The following LPP variants were observed in gnomAD, a reference collection of about 807,000 sequenced individuals.
The protein encoded by LPP is lipoma-preferred partner.
LPP carries 38 observed loss-of-function variants against 60.4 expected under a neutral mutation model. That is an observed-to-expected ratio of 0.63 (90% CI 0.49 to 0.83). The LOEUF is 0.83. Ranked by LOEUF, LPP falls within the 40% of genes least tolerant of loss-of-function variation. The pLI, the probability that LPP is intolerant of heterozygous loss-of-function variation, is 0.00. For missense variants in LPP, 902 were observed against 783.6 expected, an observed-to-expected ratio of 1.15 and a Z score of -1.80; for synonymous variants, 328 against 290.8, an observed-to-expected ratio of 1.13 and a Z score of -1.30.
At chr3:188,611,078 TTA>T in intron 7 of LPP, among the ~76,000 whole-genome samples, 1 of 152,352 alleles carries the variant, frequency 6.6e-6, no homozygotes, top group South Asian at 2.1e-4. Context: ...ACTGTTTTTC[TTA>T]TATGAAAGCG....
intron 1 of LPP, among the ~76,000 whole-genome samples, chr3:188,203,483 ATATT>A (rs1183289871): frequency 1.7e-4 from 15 of 88,646 alleles, no homozygotes; most frequent in South Asian, 3.3e-4. Context: ...AAATATATAT[ATATT>A]TTTAAATATA....
At chr3:188,494,392 G>C (rs1231848337) in intron 5 of LPP, among the ~76,000 whole-genome samples, 1 of 152,160 alleles carries the variant, frequency 6.6e-6, no homozygotes, top group Non-Finnish European at 1.5e-5. Flanking sequence ...CGGTGACTTT[G>C]CTTCTCAATG....
chr3:188,785,547 TAC>T (rs1177987893), intron 9 of LPP, among the ~76,000 whole-genome samples: 16 of 43,816 alleles, frequency 3.7e-4, no homozygotes, highest in South Asian at 1.2e-3. Context: ...TATATATATA[TAC>T]ACACACACAC....
intron 7 of LPP, among the ~76,000 whole-genome samples, chr3:188,624,478 A>C (rs1441389947): frequency 6.6e-6 from 1 of 152,214 alleles, no homozygotes; most frequent in African/African-American, 2.4e-5. Flanking sequence ...TAGAACATTG[A>C]GTTGCATTCC....
At chr3:188,714,129 T>C (rs1194349731) in intron 8 of LPP, among the ~76,000 whole-genome samples, 1 of 152,276 alleles carries the variant, frequency 6.6e-6, no homozygotes, top group South Asian at 2.1e-4. Context: ...CAAGCTCACA[T>C]AGCTAATAAT....
At chr3:188,605,061 A>C (rs1842138542) in intron 6 of LPP, among the ~76,000 whole-genome samples, 1 of 152,174 alleles carries the variant, frequency 6.6e-6, no homozygotes, top group Non-Finnish European at 1.5e-5. Flanking sequence ...GAGGTAGAAG[A>C]GGTGGATTTG....
intron 2 of LPP, among the ~76,000 whole-genome samples, chr3:188,292,419 A>G (rs1397360298): frequency 6.6e-6 from 1 of 152,252 alleles, no homozygotes; most frequent in Non-Finnish European, 1.5e-5. Context: ...TCCAAAAAAC[A>G]GAAGCATGAC....
intron 9 of LPP, among the ~76,000 whole-genome samples, chr3:188,769,264 T>C (rs1199112927): frequency 6.6e-6 from 1 of 152,204 alleles, no homozygotes; most frequent in Admixed American, 6.5e-5. Context: ...ATTCGTATTA[T>C]CACCCTTTAT....
intron 7 of LPP, among the ~76,000 whole-genome samples, chr3:188,683,145 A>C (rs1859896940): frequency 6.6e-6 from 1 of 152,116 alleles, no homozygotes; most frequent in African/African-American, 2.4e-5. Context: ...ACTCTGTGGC[A>C]ATGGCTGTGA....
In LPP at chr3:188,656,575, T is replaced by G. The variant is rs149387761; in HGVS notation, c.1113+46731T>G. Among the ~76,000 whole-genome samples, 66 of 152,350 alleles carry G rather than the reference T, an allele frequency of 4.3e-4. 1 individual carries two copies. The highest frequency in any genetic ancestry group is 1.5e-3 in the African/African-American group (64 of 41,580). ...GGCTAAGCTTCTGTTTTTGCCAAAT[T>G]GTAGCAAATCACATCAGACAGTGTC... is the stretch of plus-strand genomic sequence containing the variant. On this transcript the variant is annotated intron_variant, in intron 7 of 11. Coordinates refer to ENST00000617246, the MANE Select transcript of LPP (RefSeq NM_001375462.1).
chr3:188,264,819 C>A (rs1014225661), intron 2 of LPP, among the ~76,000 whole-genome samples: 6 of 151,986 alleles, frequency 3.9e-5, no homozygotes, highest in Non-Finnish European at 7.4e-5. Flanking sequence ...TCTTTTCTTT[C>A]CTTTTTTTTC....
At chr3:188,636,354 T>TA (rs1848756263) in intron 7 of LPP, among the ~76,000 whole-genome samples, 1 of 152,150 alleles carries the variant, frequency 6.6e-6, no homozygotes, top group Admixed American at 6.5e-5. Flanking sequence ...CCGACGGGCT[T>TA]AAAAAACGGT....
At chr3:188,500,061 G>T (rs1318820399) in intron 5 of LPP, among the ~76,000 whole-genome samples, 4 of 152,004 alleles carry the variant, frequency 2.6e-5, no homozygotes, top group Non-Finnish European at 1.5e-5. Flanking sequence ...AAGAAGAGAT[G>T]ATTTAATTCT....
chr3:188,599,554 G>C (rs1227537188), intron 6 of LPP, among the ~76,000 whole-genome samples: 1 of 152,058 alleles, frequency 6.6e-6, no homozygotes, highest in African/African-American at 2.4e-5. Flanking sequence ...AAATGGAAAA[G>C]CTTCTGGGAC....
At chr3:188,167,058 T>A (rs1720171771) in intron 1 of LPP, among the ~76,000 whole-genome samples, 2 of 152,230 alleles carry the variant, frequency 1.3e-5, no homozygotes, top group Admixed American at 6.5e-5. Flanking sequence ...AAATTATAGC[T>A]CTGCTAATTG....
chr3:188,215,709 C>G (rs1040740473), intron 1 of LPP, among the ~76,000 whole-genome samples: 3 of 152,124 alleles, frequency 2.0e-5, no homozygotes, highest in South Asian at 2.1e-4. Flanking sequence ...TATAGAAGAA[C>G]AGCAACCAGA....
intron 7 of LPP, among the ~76,000 whole-genome samples, chr3:188,625,323 G>A (rs1212069938): frequency 6.6e-6 from 1 of 152,012 alleles, no homozygotes; most frequent in Non-Finnish European, 1.5e-5. Context: ...GTATAATTAG[G>A]ACTTTAACAA....
intron 1 of LPP, among the ~76,000 whole-genome samples, chr3:188,223,086 C>G (rs1716409250): frequency 6.6e-6 from 1 of 152,186 alleles, no homozygotes; most frequent in Non-Finnish European, 1.5e-5. Flanking sequence ...CCAACTCCAT[C>G]ATTCCCTTTT....
rs192479139 is a variant in LPP at position 188,729,195 on chromosome 3, C to T, written c.1240+20802C>T. Among the ~76,000 whole-genome samples, 752 of 152,240 alleles carry T rather than the reference C, an allele frequency of 4.9e-3. 8 individuals are homozygous for T. Among genetic ancestry groups the T allele is most frequent in the Non-Finnish European group, 5.2e-3 (354 of 68,008 alleles). On this transcript the variant is annotated intron_variant, in intron 8 of 11. Coordinates refer to ENST00000617246, the MANE Select transcript of LPP (RefSeq NM_001375462.1). The stretch of plus-strand genomic sequence containing the variant: ...TATAGAGGTAGGAAAACATGGTATT[C>T]TGGGAACAGGAAGATGTTACTTCCT...
Sources: allele counts gnomAD v4.1 joint callset (sites outside exome capture counted in the v4.1 genomes callset), GRCh38; gene constraint gnomAD v4.1.1; transcripts MANE v1.5; gene names NCBI Gene and HGNC (gene_info 2026-07-23, HGNC 2026-07-21).